ARHGAP21: variants seen among roughly 807,000 people sequenced by gnomAD.
ARHGAP21 encodes rho GTPase-activating protein 21.
A neutral mutation model predicts 164.6 loss-of-function variants in ARHGAP21; 38 were observed. The observed-to-expected ratio is 0.23, with a 90% CI of 0.18 to 0.30. The LOEUF (loss-of-function observed/expected upper bound fraction) is 0.30. Ranked by LOEUF, ARHGAP21 falls within the 10% of genes least tolerant of loss-of-function variation. The pLI is 1.00. For missense variants in ARHGAP21, 1,822 were observed against 2,370.7 expected (o/e 0.77, Z 4.81); for synonymous variants, 766 against 857.9 (o/e 0.89, Z 1.87).
intron 4 of ARHGAP21, among the ~76,000 whole-genome samples, chr10:24,666,779 T>C (rs1033004686): frequency 1.3e-5 from 2 of 152,100 alleles, no homozygotes; most frequent in African/African-American, 4.8e-5. Flanking sequence ...ACAAAACCAT[T>C]ACATGTTCAA....
intron 9 of ARHGAP21, among the ~76,000 whole-genome samples, chr10:24,610,193 A>G (rs1397876883): frequency 6.6e-6 from 1 of 152,192 alleles, no homozygotes; most frequent in Non-Finnish European, 1.5e-5. Flanking sequence ...CCTGGCCAAC[A>G]TGGCAAAACC....
At chr10:24,624,935 T>C (rs1338342002) in intron 7 of ARHGAP21, among the ~76,000 whole-genome samples, 1 of 151,746 alleles carries the variant, frequency 6.6e-6, no homozygotes, top group Non-Finnish European at 1.5e-5. Context: ...TTGAGCTTTC[T>C]TTACCCTTGT....
At chr10:24,590,325 CTA>C (rs1402589668) in intron 24 of ARHGAP21, 1 of 1,535,094 alleles carries the variant, frequency 6.5e-7, no homozygotes, top group Non-Finnish European at 8.7e-7. Context: ...CACAGATCAA[CTA>C]TGTTTGCATT....
At chr10:24,710,161 A>G (rs1435445162) in intron 2 of ARHGAP21, among the ~76,000 whole-genome samples, 1 of 152,142 alleles carries the variant, frequency 6.6e-6, no homozygotes, top group Non-Finnish European at 1.5e-5. Context: ...TAGCTGAATA[A>G]GCTACAGCTA....
At chr10:24,633,881 C>CTTT (rs1836088038) in intron 5 of ARHGAP21, among the ~76,000 whole-genome samples, 4 of 98,492 alleles carry the variant, frequency 4.1e-5, no homozygotes, top group Non-Finnish European at 6.3e-5. Flanking sequence ...GTCTTTTTTT[C>CTTT]TCTTTTTTTT....
intron 14 of ARHGAP21, among the ~76,000 whole-genome samples, chr10:24,599,950 G>A (rs977084176): frequency 2.6e-5 from 4 of 151,894 alleles, no homozygotes; most frequent in Admixed American, 6.6e-5. Context: ...TGGCTAACAC[G>A]GTGAAACCCC....
chr10:24,589,326 GGTCA>G, intron 24 of ARHGAP21, 24 bp from the exon 25 acceptor site: 1 of 1,600,970 alleles, frequency 6.2e-7, no homozygotes, highest in Non-Finnish European at 8.5e-7. Context: ...AATAAAACAT[GGTCA>G]GTATTAGCCA....
At position 24,628,772 on chromosome 10, in the gene ARHGAP21, C is replaced by CATAT. The variant is rs140255924; in HGVS notation, c.495+1220_495+1223dup. The stretch of plus-strand genomic sequence containing the variant: ...TGAAATATGTGTGTGTGTGTGTGTG[C>CATAT]ATATATATATACACACATATATACA... On this transcript the variant is annotated intron_variant, in intron 7 of 25. Transcript: ENST00000396432. Among the ~76,000 whole-genome samples the CATAT allele has an allele frequency of 7.1e-4, 95 of 133,734 alleles. 1 individual carries two copies. The highest frequency in any genetic ancestry group is 1.9e-3 in the African/African-American group (64 of 33,936). 87.7% of individuals were successfully genotyped at this position (133,734 alleles called of 152,430 possible). A position where few individuals can be genotyped will look rare whatever the true frequency, so the allele number is the denominator to read the frequency against.
At chr10:24,718,364 A>C (rs1845606194) in intron 2 of ARHGAP21, among the ~76,000 whole-genome samples, 1 of 152,220 alleles carries the variant, frequency 6.6e-6, no homozygotes, top group South Asian at 2.1e-4. Flanking sequence ...GAGATCAACC[A>C]TAAAGCCTGA....
At chr10:24,655,618 C>T (rs868073315) in intron 4 of ARHGAP21, among the ~76,000 whole-genome samples, 2,874 of 150,874 alleles carry the variant, frequency 0.019, 34 homozygotes, top group Middle Eastern at 0.054. Context: ...GAGATTGCAG[C>T]CTCTGCCCGG....
At chr10:24,655,733 G>A (rs1296749072) in intron 4 of ARHGAP21, among the ~76,000 whole-genome samples, 12 of 137,738 alleles carry the variant, frequency 8.7e-5, no homozygotes, top group South Asian at 2.7e-4. Flanking sequence ...AGTGAGGAGC[G>A]TCTCCGCCCG....
At position 24,693,047 on chromosome 10, in the gene ARHGAP21, T is replaced by C. The variant is rs111778524; in HGVS notation, c.64-22650A>G. Among the ~76,000 whole-genome samples the C allele has an allele frequency of 6.4e-3, 969 of 151,858 alleles. 10 individuals carry two copies. The highest frequency in any genetic ancestry group is 0.024 in the Middle Eastern group (7 of 294). On this transcript the variant is annotated intron_variant, in intron 2 of 25. Transcript: ENST00000396432. ...AGTTCAAATAGGCAAAACCACTATA[T>C]GGTGATGAAGTCTGGAGAGGGATGA...
chr10:24,642,221 A>G (rs1316157717), intron 4 of ARHGAP21, among the ~76,000 whole-genome samples: 1 of 152,148 alleles, frequency 6.6e-6, no homozygotes, highest in African/African-American at 2.4e-5. Flanking sequence ...TAAGAACTGT[A>G]CATTTTCTTA....
At chr10:24,697,241 T>C (rs1843252834) in intron 2 of ARHGAP21, among the ~76,000 whole-genome samples, 1 of 152,040 alleles carries the variant, frequency 6.6e-6, no homozygotes, top group African/African-American at 2.4e-5. Context: ...AGGTATTCGC[T>C]GCTGAGAAAT....
intron 2 of ARHGAP21, among the ~76,000 whole-genome samples, chr10:24,686,327 G>A (rs954460637): frequency 3.3e-5 from 5 of 152,096 alleles, no homozygotes; most frequent in Admixed American, 1.3e-4. Flanking sequence ...TACATGGGAG[G>A]CTAAGGCAGG....
intron 4 of ARHGAP21, among the ~76,000 whole-genome samples, chr10:24,640,884 G>T (rs1836940662): frequency 6.6e-6 from 1 of 152,066 alleles, no homozygotes; most frequent in South Asian, 2.1e-4. Context: ...CCAAATTCAG[G>T]CTAGTAATTA....
chr10:24,673,560 C>A (rs1325035228), intron 2 of ARHGAP21, among the ~76,000 whole-genome samples: 1 of 152,192 alleles, frequency 6.6e-6, no homozygotes, highest in Non-Finnish European at 1.5e-5. Context: ...CAAAAATTAA[C>A]TCAAATGATC....
intron 4 of ARHGAP21, among the ~76,000 whole-genome samples, chr10:24,639,841 C>CTAAG (rs763062389): frequency 1.3e-5 from 2 of 150,562 alleles, no homozygotes; most frequent in Admixed American, 6.6e-5. Context: ...TGGAGAAAGC[C>CTAAG]TAAGACAAAA....
At chr10:24,597,418 T>C in intron 16 of ARHGAP21, 29 bp downstream of exon 16, 2 of 1,601,426 alleles carry the variant, frequency 1.2e-6, no homozygotes, top group Non-Finnish European at 1.7e-6. Flanking sequence ...AATCATTATA[T>C]TTATTTGTTA....
Sources: allele counts gnomAD v4.1 joint callset (sites outside exome capture counted in the v4.1 genomes callset), GRCh38; gene constraint gnomAD v4.1.1; transcripts MANE v1.5; gene names NCBI Gene and HGNC (gene_info 2026-07-23, HGNC 2026-07-21).